The following CFTR variants were observed in gnomAD, a reference collection of about 807,000 sequenced individuals.
CFTR encodes the protein CF transmembrane conductance regulator.
In CFTR, 181 loss-of-function variants were observed where a neutral mutation model predicts 171.6. The ratio of observed to expected loss-of-function variants is 1.05; its 90% CI spans 0.93 to 1.19. The LOEUF is 1.19. Among genes scored for constraint, CFTR ranks in the 50% most tolerant of loss-of-function variants. The probability of loss-of-function intolerance (pLI) is 0.00; values close to 1 mark genes in which losing one functional copy is unlikely to be tolerated. For missense variants in CFTR, 1,968 were observed against 1,734.7 expected, an observed-to-expected ratio of 1.13 and a Z score of -2.39; for synonymous variants, 583 against 608.0, an observed-to-expected ratio of 0.96 and a Z score of 0.60.
chr7:117,654,326 G>T (rs966564391), intron 24 of CFTR, among the ~76,000 whole-genome samples: 2 of 152,206 alleles, frequency 1.3e-5, no homozygotes, highest in Admixed American at 1.3e-4. Context: ...TGAAATCTAG[G>T]TGGAGGCAGC....
intron 11 of CFTR, among the ~76,000 whole-genome samples, chr7:117,574,402 A>G (rs993463862): frequency 6.6e-6 from 1 of 152,068 alleles, no homozygotes; most frequent in African/African-American, 2.4e-5. Context: ...GCTTCATATT[A>G]TGTCTCTGAA....
intron 18 of CFTR, among the ~76,000 whole-genome samples, chr7:117,610,240 G>A (rs1457848395): frequency 4.6e-5 from 5 of 108,328 alleles, no homozygotes; most frequent in Non-Finnish European, 1.8e-5. Context: ...CTGTTGTGGG[G>A]TGGGGGGAGG....
At position 117,603,885 on chromosome 7, in the gene CFTR, T is replaced by G. The variant is rs996206221; in HGVS notation, c.2908+103T>G. 2.4e-5 allele frequency: 30 copies of G among 1,261,228 alleles called. No homozygotes were observed. The Middle Eastern group carries it at 1.7e-3, about 70-fold the overall frequency. 78.1% of individuals were successfully genotyped at this position (1,261,228 alleles called of 1,614,324 possible). The stretch of plus-strand genomic sequence containing the variant: ...CAGTGCTGGCTTTTGCACAGAGGCA[T>G]GTGCCCTTTGTTGAACCTCCATTTG... On this transcript the variant is annotated intron_variant, in intron 17 of 26. Coordinates refer to ENST00000003084, the MANE Select transcript of CFTR (RefSeq NM_000492.4).
rs2116039906 is a variant in CFTR at position 117,595,065 on chromosome 7, A to C, written c.2619+7A>C. 6.2e-7 allele frequency: 1 copy of C among 1,610,442 alleles called. No homozygotes were observed. Among genetic ancestry groups the C allele is most frequent in the East Asian group, 2.2e-5 (1 of 44,692 alleles). On this transcript the variant is annotated splice_region_variant and intron_variant, in intron 15 of 26. Coordinates refer to ENST00000003084, the MANE Select transcript of CFTR (RefSeq NM_000492.4). ...AGTAATTTTTCTGGCAGAGGTAAGA[A>C]TGTTCTATTGTAAAGTATTACTGGA...
At chr7:117,537,456 G>A (rs552388841) in intron 7 of CFTR, among the ~76,000 whole-genome samples, 1 of 152,270 alleles carries the variant, frequency 6.6e-6, no homozygotes, top group Non-Finnish European at 1.5e-5. Context: ...GGTTCTAGGA[G>A]ACTCAGTGAA....
rs397508541 is a variant in CFTR, at chr7:117,530,956, C to A, written c.331C>A (p.Pro111Thr). The change falls in exon 4 of 27, where the codon CCG (proline) becomes ACG (threonine). Residue 111 changes from proline (P) to threonine (T), a missense_variant. Pro to Thr is a conservative substitution (Grantham distance 38). Transcript: ENST00000003084. The part of the protein sequence containing the change: ...LLGRIIASYD[P>T]DNKEERSIAI... ...GGGAAGAATCATAGCTTCCTATGAC[C>A]CGGATAACAAGGAGGAACGCTCTAT... is the stretch of plus-strand genomic sequence containing the variant. 6.2e-7 allele frequency: 1 copy of A among 1,613,650 alleles called. No individual in the cohort carries two copies. Among genetic ancestry groups the A allele is most frequent in the African/African-American group, 1.3e-5 (1 of 74,892 alleles).
In CFTR at chr7:117,537,137, G is replaced by A. The variant is rs753195924; in HGVS notation, c.869+464G>A. Among the ~76,000 whole-genome samples, 76 of 152,012 alleles carry A rather than the reference G, an allele frequency of 5.0e-4. 1 individual carries two copies. The highest frequency in any genetic ancestry group is 9.4e-4 in the Non-Finnish European group (64 of 67,998). On this transcript the variant is annotated intron_variant, in intron 7 of 26. Coordinates refer to ENST00000003084, the MANE Select transcript of CFTR (RefSeq NM_000492.4). ...GAATATGTTTGCTCTTCCTTAACTC[G>A]GGAATGACATAGGGTAATATTCACA...
chr7:117,538,115 G>T (rs1798987821), intron 7 of CFTR, among the ~76,000 whole-genome samples: 1 of 152,088 alleles, frequency 6.6e-6, no homozygotes, highest in African/African-American at 2.4e-5. Flanking sequence ...TGTATAATCT[G>T]GCATGAAATT....
intron 22 of CFTR, among the ~76,000 whole-genome samples, chr7:117,641,772 A>C (rs1007023235): frequency 6.6e-6 from 1 of 152,102 alleles, no homozygotes; most frequent in African/African-American, 2.4e-5. Flanking sequence ...AACAAGAATA[A>C]TTTTCTTTCT....
intron 13 of CFTR, 57 bp from the exon 14 acceptor site, chr7:117,591,877 A>G: frequency 9.2e-7 from 1 of 1,083,526 alleles, no homozygotes; most frequent in Non-Finnish European, 1.3e-6. Flanking sequence ...AAAATACGAG[A>G]CATATTGCAA....
At chr7:117,487,603 C>G (rs1026701641) in intron 1 of CFTR, 3 of 152,076 alleles carry the variant, frequency 2.0e-5, no homozygotes, top group Non-Finnish European at 4.4e-5. Flanking sequence ...GTTTTCATTA[C>G]TTTTGAAAAG....
chr7:117,662,739 G>A lies in CFTR; in HGVS notation c.3964-1949G>A, dbSNP rs181756492. 1.9e-3 allele frequency among the ~76,000 whole-genome samples: 285 copies of A among 152,256 alleles called. 1 individual carries two copies. Among genetic ancestry groups the A allele is most frequent in the African/African-American group, 6.8e-3 (281 of 41,544 alleles). ...AGGATGATTCTTAAGAGATGATGATGACCCAGACTGGGATCACTATAATAG... is the reference window on the plus strand; with the variant it reads ...AGGATGATTCTTAAGAGATGATGATAACCCAGACTGGGATCACTATAATAG... On this transcript the variant is annotated intron_variant, in intron 24 of 26. Transcript: ENST00000003084.
rs944039947 is a variant in CFTR, at chr7:117,665,397, A to G, written c.4137-62A>G. 6.4e-6 allele frequency: 6 copies of G among 935,838 alleles called. No individual in the cohort carries two copies. In the African/African-American group the frequency reaches 9.7e-5, roughly 15 times the overall value. The allele number at this position is 935,838 out of a possible 1,614,324, so 58.0% of individuals were successfully genotyped here. ...ATAATAGAACAATAGACATATTATC[A>G]AGGTAAATACAGATCATTACTGTTC... On this transcript the variant is annotated intron_variant, in intron 25 of 26. Coordinates refer to ENST00000003084, the MANE Select transcript of CFTR (RefSeq NM_000492.4).
rs189120883 is a variant in CFTR at position 117,510,625 on chromosome 7, A to G, written c.273+1483A>G. On this transcript the variant is annotated intron_variant, in intron 3 of 26. Coordinates refer to ENST00000003084, the MANE Select transcript of CFTR (RefSeq NM_000492.4). ...GGGTCTAATTAGAAGGCCCCTTTCT[A>G]TGCTCTGCTTGGCTTGTAAAATAAT... Among the ~76,000 whole-genome samples, 4 of 152,240 alleles carry G rather than the reference A, an allele frequency of 2.6e-5. No homozygotes were observed. In the East Asian group the frequency reaches 5.8e-4, roughly 22 times the overall value.
chr7:117,641,028 T>A (rs972857678), intron 22 of CFTR, among the ~76,000 whole-genome samples: 2 of 152,146 alleles, frequency 1.3e-5, no homozygotes, highest in African/African-American at 4.8e-5. Context: ...AAAAAAGTAC[T>A]GATTGTGATT....
rs1227855502 is a variant in CFTR at position 117,594,784 on chromosome 7, A to G, written c.2491-146A>G. Reference sequence around the variant, plus strand: ...TTCTGGCTATAGAATGACATCATACATGGCATTTATAATGATTTATATTTG... The same window carrying G: ...TTCTGGCTATAGAATGACATCATACGTGGCATTTATAATGATTTATATTTG... On this transcript the variant is annotated intron_variant, in intron 14 of 26. Transcript: ENST00000003084. 8 of 705,000 alleles carry G rather than the reference A, an allele frequency of 1.1e-5. No individual in the cohort carries two copies. The East Asian group carries it at 1.4e-4, about 13-fold the overall frequency. The allele number at this position is 705,000 out of a possible 1,614,324, so 43.7% of individuals were successfully genotyped here.
intron 23 of CFTR, among the ~76,000 whole-genome samples, chr7:117,643,119 C>A (rs1792946465): frequency 6.6e-6 from 1 of 151,824 alleles, no homozygotes; most frequent in East Asian, 1.9e-4. Context: ...AGTCTCATTG[C>A]CTTAGTATCA....
At chr7:117,504,756 TAAA>T (rs372341779) in intron 2 of CFTR, among the ~76,000 whole-genome samples, 3 of 121,100 alleles carry the variant, frequency 2.5e-5, no homozygotes, top group South Asian at 2.8e-4. Flanking sequence ...CCTCTCTCTC[TAAA>T]AAAAAAAAAA....
intron 20 of CFTR, 141 bp downstream of exon 20, chr7:117,611,949 G>A (rs1248308905): frequency 1.8e-6 from 1 of 558,198 alleles, no homozygotes; most frequent in Non-Finnish European, 3.1e-6. Flanking sequence ...TATTGAACAA[G>A]TGATTTCTTT....
Sources: allele counts gnomAD v4.1 joint callset (sites outside exome capture counted in the v4.1 genomes callset), GRCh38; gene constraint gnomAD v4.1.1; transcripts MANE v1.5; gene names NCBI Gene and HGNC (gene_info 2026-07-23, HGNC 2026-07-21).